GABBR2: variants seen among roughly 807,000 people sequenced by gnomAD.
The protein encoded by GABBR2 is gamma-aminobutyric acid type B receptor subunit 2.
A neutral mutation model predicts 105.6 loss-of-function variants in GABBR2; 23 were observed. That is an observed-to-expected ratio of 0.22 (90% CI 0.16 to 0.31). GABBR2 has a LOEUF of 0.31. Among genes scored for constraint, GABBR2 ranks in the 10% least tolerant of loss-of-function variants. The pLI is 1.00. For missense variants in GABBR2, 734 were observed against 1,245.5 expected, an observed-to-expected ratio of 0.59 and a Z score of 6.18; for synonymous variants, 478 against 499.7, an observed-to-expected ratio of 0.96 and a Z score of 0.58.
At chr9:98,394,341 AC>A in intron 8 of GABBR2, 86 bp from the exon 9 acceptor site, 2 of 895,364 alleles carry the variant, frequency 2.2e-6, no homozygotes, top group South Asian at 2.8e-5. Flanking sequence ...TGCTCCCCTC[AC>A]AGGCCCTGGA....
intron 1 of GABBR2, among the ~76,000 whole-genome samples, chr9:98,657,152 G>C (rs897190081): frequency 6.6e-6 from 1 of 152,216 alleles, no homozygotes; most frequent in East Asian, 1.9e-4. Flanking sequence ...CCCCTGCAGA[G>C]GGGGAGGGCT....
chr9:98,643,942 C>CG (rs1393962249), intron 1 of GABBR2, among the ~76,000 whole-genome samples: 1 of 152,178 alleles, frequency 6.6e-6, no homozygotes, highest in South Asian at 2.1e-4. Context: ...CCTAAGCCTC[C>CG]GGGGGCTAGC....
At chr9:98,407,444 C>A (rs1313446652) in intron 7 of GABBR2, among the ~76,000 whole-genome samples, 4 of 152,106 alleles carry the variant, frequency 2.6e-5, no homozygotes, top group African/African-American at 9.7e-5. Context: ...TAATGCCCAC[C>A]GAATTCTATA....
intron 7 of GABBR2, among the ~76,000 whole-genome samples, chr9:98,415,705 A>G (rs79211316): frequency 6.6e-6 from 1 of 152,246 alleles, no homozygotes; most frequent in African/African-American, 2.4e-5. Context: ...CAATGGAATG[A>G]GGTATGTATG....
intron 13 of GABBR2, among the ~76,000 whole-genome samples, chr9:98,361,220 A>C (rs1831576923): frequency 6.6e-6 from 1 of 152,128 alleles, no homozygotes; most frequent in South Asian, 2.1e-4. Context: ...TGGTATTGTC[A>C]CTAACCTGCT....
chr9:98,372,238 G>A (rs1448162192), intron 11 of GABBR2, among the ~76,000 whole-genome samples: 4 of 152,280 alleles, frequency 2.6e-5, no homozygotes, highest in African/African-American at 9.6e-5. Context: ...TAGGTCTTAG[G>A]GGCCTCCAGG....
intron 1 of GABBR2, among the ~76,000 whole-genome samples, chr9:98,677,782 C>T (rs756131167): frequency 1.2e-4 from 18 of 152,118 alleles, no homozygotes; most frequent in Non-Finnish European, 2.1e-4. Context: ...CCTGCAGTGG[C>T]TCTCCCTCCA....
intron 13 of GABBR2, among the ~76,000 whole-genome samples, chr9:98,339,670 C>T (rs546926437): frequency 6.6e-6 from 1 of 152,188 alleles, no homozygotes; most frequent in African/African-American, 2.4e-5. Context: ...CAAGATTTCT[C>T]TAAGGTGTGT....
At chr9:98,578,299 G>A (rs1349275109) in intron 1 of GABBR2, among the ~76,000 whole-genome samples, 2 of 151,942 alleles carry the variant, frequency 1.3e-5, no homozygotes, top group African/African-American at 4.8e-5. Flanking sequence ...CCAAATCTAG[G>A]ACCTCTCTCC....
chr9:98,634,245 G>A (rs1026480624), intron 1 of GABBR2, among the ~76,000 whole-genome samples: 7 of 152,224 alleles, frequency 4.6e-5, no homozygotes, highest in Non-Finnish European at 8.8e-5. Flanking sequence ...CAAAAAGAAT[G>A]TGGAACTTCT....
intron 13 of GABBR2, among the ~76,000 whole-genome samples, chr9:98,327,424 G>C (rs1830942861): frequency 6.6e-6 from 1 of 151,882 alleles, no homozygotes; most frequent in South Asian, 2.1e-4. Flanking sequence ...CCTTAGAATA[G>C]GTAGGTATAA....
chr9:98,594,525 T>C (rs577918221), intron 1 of GABBR2, among the ~76,000 whole-genome samples: 134 of 151,950 alleles, frequency 8.8e-4, no homozygotes, highest in African/African-American at 3.0e-3. Context: ...AGGAATTTGC[T>C]GGAGGGGTGG....
At chr9:98,682,147 A>ATCCTCC (rs1349043882) in intron 1 of GABBR2, among the ~76,000 whole-genome samples, 3 of 151,792 alleles carry the variant, frequency 2.0e-5, no homozygotes, top group Non-Finnish European at 4.4e-5. Context: ...GAATCACTTG[A>ATCCTCC]ACCCGGGAGG....
chr9:98,330,780 T>C (rs1476810071), intron 13 of GABBR2, among the ~76,000 whole-genome samples: 1 of 152,234 alleles, frequency 6.6e-6, no homozygotes, highest in Non-Finnish European at 1.5e-5. Flanking sequence ...ATTCACAATT[T>C]AAACCATTTT....
chr9:98,683,450 G>A (rs1408305940), intron 1 of GABBR2, among the ~76,000 whole-genome samples: 2 of 152,024 alleles, frequency 1.3e-5, no homozygotes, highest in Non-Finnish European at 2.9e-5. Context: ...CTTGAAGGAG[G>A]AATAATAACA....
At chr9:98,370,024 G>A (rs1291508111) in intron 12 of GABBR2, among the ~76,000 whole-genome samples, 1 of 152,058 alleles carries the variant, frequency 6.6e-6, no homozygotes, top group Non-Finnish European at 1.5e-5. Flanking sequence ...TCCGACTCCT[G>A]CTTGAGAAAC....
chr9:98,438,429 C>A (rs903500263), intron 7 of GABBR2, among the ~76,000 whole-genome samples: 2 of 152,122 alleles, frequency 1.3e-5, no homozygotes, highest in Non-Finnish European at 2.9e-5. Context: ...AAGTAGGGGA[C>A]AGGGATGATA....
At chr9:98,408,358 A>T (rs921146654) in intron 7 of GABBR2, among the ~76,000 whole-genome samples, 1 of 152,192 alleles carries the variant, frequency 6.6e-6, no homozygotes, top group African/African-American at 2.4e-5. Flanking sequence ...CGAAGTGCTG[A>T]TGGAGACACG....
intron 13 of GABBR2, among the ~76,000 whole-genome samples, chr9:98,349,931 T>C (rs1831367492): frequency 6.6e-6 from 1 of 152,188 alleles, no homozygotes; most frequent in South Asian, 2.1e-4. Flanking sequence ...CTGTTACTCA[T>C]TATTGGTCTG....
Sources: allele counts gnomAD v4.1 joint callset (sites outside exome capture counted in the v4.1 genomes callset), GRCh38; gene constraint gnomAD v4.1.1; transcripts MANE v1.5; gene names NCBI Gene and HGNC (gene_info 2026-07-23, HGNC 2026-07-21).